NAA16: variants seen among roughly 807,000 people sequenced by gnomAD.
The protein encoded by NAA16 is NARG1-like protein.
NAA16 carries 97 observed loss-of-function variants against 110.3 expected under a neutral mutation model. That is an observed-to-expected ratio of 0.88 (90% CI 0.75 to 1.04). The LOEUF (loss-of-function observed/expected upper bound fraction) is 1.04, where lower values mean the gene tolerates loss of function less well. NAA16 is among the 50% of genes least tolerant of loss of function. The probability of loss-of-function intolerance (pLI) is 0.00; values close to 1 mark genes in which losing one functional copy is unlikely to be tolerated. For missense variants in NAA16, 1,017 were observed against 1,005.1 expected, an observed-to-expected ratio of 1.01 and a Z score of -0.16; for synonymous variants, 372 against 330.6, an observed-to-expected ratio of 1.13 and a Z score of -1.36.
intron 9 of NAA16, among the ~76,000 whole-genome samples, chr13:41,346,291 A>C (rs1008717420): frequency 3.1e-4 from 47 of 152,150 alleles, no homozygotes; most frequent in African/African-American, 1.1e-3. Flanking sequence ...ATTAACCATA[A>C]ATGCGAGGGT....
At chr13:41,332,967 TTTCTC>T (rs1372826422) in intron 8 of NAA16, among the ~76,000 whole-genome samples, 29 of 152,292 alleles carry the variant, frequency 1.9e-4, no homozygotes, top group African/African-American at 6.7e-4. Flanking sequence ...AGAGAGCAGA[TTTCTC>T]TAATGTTTTC....
intron 4 of NAA16, among the ~76,000 whole-genome samples, chr13:41,321,663 C>G (rs1324126922): frequency 6.6e-6 from 1 of 152,198 alleles, no homozygotes; most frequent in Non-Finnish European, 1.5e-5. Context: ...ATCAGTCTTT[C>G]TGTAGTTGAG....
At chr13:41,340,358 T>C (rs2042503195) in intron 9 of NAA16, among the ~76,000 whole-genome samples, 1 of 152,122 alleles carries the variant, frequency 6.6e-6, no homozygotes, top group Non-Finnish European at 1.5e-5. Flanking sequence ...TAGTTAGTTA[T>C]TGCCTTCTGC....
intron 1 of NAA16, among the ~76,000 whole-genome samples, chr13:41,312,133 C>G (rs543514079): frequency 1.3e-5 from 2 of 152,246 alleles, no homozygotes; most frequent in South Asian, 2.1e-4. Context: ...CACCACCTCC[C>G]TTTGGGAAAA....
chr13:41,365,740 G>A (rs1156885925), intron 13 of NAA16, among the ~76,000 whole-genome samples: 1 of 152,180 alleles, frequency 6.6e-6, no homozygotes, highest in Non-Finnish European at 1.5e-5. Context: ...ATTAACTGGA[G>A]AGAGGCAGCC....
At chr13:41,341,471 C>G (rs957924426) in intron 9 of NAA16, among the ~76,000 whole-genome samples, 1 of 152,152 alleles carries the variant, frequency 6.6e-6, no homozygotes, top group Non-Finnish European at 1.5e-5. Context: ...TAATCCAGCA[C>G]TTTGGGAGGC....
chr13:41,353,545 G>T (rs542208417), intron 9 of NAA16, among the ~76,000 whole-genome samples: 1 of 151,028 alleles, frequency 6.6e-6, no homozygotes, highest in African/African-American at 2.4e-5. Flanking sequence ...CGGGAGGATT[G>T]CTTGAGCCCA....
chr13:41,362,637 C>A, intron 13 of NAA16: 1 of 1,132,446 alleles, frequency 8.8e-7, no homozygotes, highest in Non-Finnish European at 1.2e-6. Context: ...TTATTGCTTG[C>A]TTTTAGGATT....
chr13:41,327,580 A>G (rs1444470283), intron 6 of NAA16, among the ~76,000 whole-genome samples: 1 of 152,010 alleles, frequency 6.6e-6, no homozygotes, highest in Non-Finnish European at 1.5e-5. Flanking sequence ...TCAAGTTAGT[A>G]TACACCGTGA....
intron 15 of NAA16, among the ~76,000 whole-genome samples, chr13:41,370,689 A>G (rs1371433639): frequency 6.6e-6 from 1 of 152,118 alleles, no homozygotes; most frequent in African/African-American, 2.4e-5. Context: ...ACTGGACAGA[A>G]CCCCTGGCCA....
intron 9 of NAA16, among the ~76,000 whole-genome samples, chr13:41,351,638 T>C (rs985058724): frequency 1.3e-5 from 2 of 152,164 alleles, no homozygotes; most frequent in Non-Finnish European, 2.9e-5. Context: ...ATTATAACAG[T>C]TATGGTATTA....
chr13:41,325,721 T>G lies in NAA16; in HGVS notation c.561T>G (p.Tyr187Ter). ...AGGTTCCTCCAAACAAAATAGATTA[T>G]GAATATAGTGAATTGATATTATACC... ...TQQVPPNKID[Y>*]EYSELILYQN... is the part of the protein sequence containing the mutation. The change falls in exon 6 of 20, where the codon TAT becomes TAG. Residue 187 changes from tyrosine (Y) to a stop codon, truncating the protein, a stop_gained. Coordinates refer to ENST00000379406, the MANE Select transcript of NAA16 (RefSeq NM_024561.5). LOFTEE classifies it high-confidence loss of function. The G allele has an allele frequency of 6.3e-7, 1 of 1,584,374 alleles. No individual in the cohort carries two copies. The highest frequency in any genetic ancestry group is 8.6e-7 in the Non-Finnish European group (1 of 1,162,512).
chr13:41,368,715 C>T (rs2043255919), intron 14 of NAA16, among the ~76,000 whole-genome samples: 1 of 151,900 alleles, frequency 6.6e-6, no homozygotes, highest in South Asian at 2.1e-4. Context: ...TTTTTCTTGT[C>T]ATTATTAGTA....
chr13:41,376,076 G>GGTCAGGAGATCGAGATCAGCCTGGC lies in NAA16; in HGVS notation c.*475_*499dup, dbSNP rs2139525430. The GGTCAGGAGATCGAGATCAGCCTGGC allele has an allele frequency of 6.5e-6, 1 of 152,858 alleles. No individual in the cohort carries two copies. Among genetic ancestry groups the GGTCAGGAGATCGAGATCAGCCTGGC allele is most frequent in the Admixed American group, 6.5e-5 (1 of 15,320 alleles). 9.5% of individuals were successfully genotyped at this position (152,858 alleles called of 1,614,324 possible). ...AGGCCCAGACTGGCGGATCACCTGAGGTCAGGAGATCGAGATCAGCCTGGC... is the reference window on the plus strand; with the variant it reads ...AGGCCCAGACTGGCGGATCACCTGAGGTCAGGAGATCGAGATCAGCCTGGCGTCAGGAGATCGAGATCAGCCTGGC... On this transcript the variant is annotated 3_prime_UTR_variant, in exon 20 of 20. Coordinates refer to ENST00000379406, the MANE Select transcript of NAA16 (RefSeq NM_024561.5).
Position 41,372,842 on chromosome 13 carries a change from A to G in NAA16, c.2155+12A>G. On this transcript the variant is annotated intron_variant, in intron 17 of 19. Transcript: ENST00000379406. ...ATTTTCTAAATCTGGTAAGTATAAA[A>G]AAGGACCATATTTACATTTGTGAAT... 1.3e-6 allele frequency: 2 copies of G among 1,528,558 alleles called. No homozygotes were observed. Among genetic ancestry groups the G allele is most frequent in the South Asian group, 2.5e-5 (2 of 78,504 alleles). 94.7% of individuals were successfully genotyped at this position (1,528,558 alleles called of 1,614,324 possible). A position where few individuals can be genotyped will look rare whatever the true frequency, so the allele number is the denominator to read the frequency against.
intron 10 of NAA16, among the ~76,000 whole-genome samples, chr13:41,356,771 ATCCCATAT>A (rs1593506138): frequency 6.6e-6 from 1 of 152,204 alleles, no homozygotes; most frequent in Non-Finnish European, 1.5e-5. Flanking sequence ...TGTCTTACAT[ATCCCATAT>A]TCTAGATTTG....
chr13:41,317,310 T>G (rs2041834502), intron 2 of NAA16, among the ~76,000 whole-genome samples: 1 of 152,124 alleles, frequency 6.6e-6, no homozygotes, highest in Non-Finnish European at 1.5e-5. Context: ...TCACCTGCAC[T>G]TTATTCTTTG....
chr13:41,323,312 G>GT, intron 5 of NAA16, 122 bp downstream of exon 5: 1 of 939,026 alleles, frequency 1.1e-6, no homozygotes, highest in African/African-American at 1.7e-5. Context: ...ACTTTTTGAC[G>GT]TAATTGGAAA....
intron 2 of NAA16, among the ~76,000 whole-genome samples, chr13:41,318,311 T>TG (rs1306139767): frequency 1.3e-5 from 2 of 152,090 alleles, no homozygotes; most frequent in Non-Finnish European, 2.9e-5. Context: ...GTTCAAGCAG[T>TG]GCTCCTGCCT....
Sources: allele counts gnomAD v4.1 joint callset (sites outside exome capture counted in the v4.1 genomes callset), GRCh38; gene constraint gnomAD v4.1.1; transcripts MANE v1.5; gene names NCBI Gene and HGNC (gene_info 2026-07-23, HGNC 2026-07-21).